Variants in MID1 observed in about 807,000 individuals in gnomAD.
The protein encoded by MID1 is midline 1, also known as E3 ubiquitin-protein ligase Midline-1.
MID1 carries 7 observed loss-of-function variants against 40.4 expected under a neutral mutation model. That is an observed-to-expected ratio of 0.17 (90% CI 0.10 to 0.33). The LOEUF (loss-of-function observed/expected upper bound fraction) is 0.33, where lower values mean the gene tolerates loss of function less well. Among genes scored for constraint, MID1 ranks in the 10% least tolerant of loss-of-function variants. MID1 has a pLI of 1.00. For synonymous variants in MID1, 229 were observed against 221.2 expected (o/e 1.04, Z -0.31); for missense variants, 367 against 558.5 (o/e 0.66, Z 3.46).
At chrX:10,520,059 G>A (rs773205992) in intron 3 of MID1, among the ~76,000 whole-genome samples, 2 of 112,252 alleles carry the variant, frequency 1.8e-5, no homozygotes, top group Non-Finnish European at 3.8e-5. Context: ...ACATCATTGT[G>A]TTGCATAAAT....
chrX:10,455,097 A>C lies in MID1; in HGVS notation c.1448-20T>G, dbSNP rs199668207. On this transcript the variant is annotated intron_variant, in intron 8 of 9. Transcript: ENST00000317552. Reference sequence around the variant, plus strand: ...GTTGGCCTGAAAACAAATTCACAAAACAGAAAAAGGAAGAGGAAGAGGATT... The same window carrying C: ...GTTGGCCTGAAAACAAATTCACAAACCAGAAAAAGGAAGAGGAAGAGGATT... The C allele has an allele frequency of 2.6e-5, 30 of 1,147,425 alleles. No homozygotes were observed. The highest frequency in any genetic ancestry group is 3.5e-5 in the Non-Finnish European group (29 of 838,182). The allele number at this position is 1,147,425 out of a possible 1,213,427, so 94.6% of individuals were successfully genotyped here.
chrX:10,538,424 A>T (rs755248900), intron 2 of MID1, among the ~76,000 whole-genome samples: 17 of 111,193 alleles, frequency 1.5e-4, no homozygotes, highest in African/African-American at 5.2e-4. Flanking sequence ...TCCATGAATC[A>T]CTGGTTTTCA....
intron 1 of MID1, among the ~76,000 whole-genome samples, chrX:10,663,851 G>A (rs977411384): frequency 8.9e-6 from 1 of 112,181 alleles, no homozygotes; most frequent in African/African-American, 3.2e-5. Context: ...TCAAACCTAT[G>A]TATATTGAAT....
chrX:10,734,807 C>T (rs927004661), intron 1 of MID1, among the ~76,000 whole-genome samples: 1 of 111,700 alleles, frequency 9.0e-6, no homozygotes, highest in Admixed American at 9.5e-5. Flanking sequence ...TTGGGGCTGT[C>T]GGTACATGGG....
chrX:10,495,554 A>G (rs1602303871), intron 4 of MID1, 30 bp downstream of exon 4: 5 of 1,050,857 alleles, frequency 4.8e-6, no homozygotes, highest in Non-Finnish European at 6.7e-6. Context: ...CAGGTAGAGA[A>G]TATGAAATCT....
upstream of MID1, among the ~76,000 whole-genome samples, chrX:10,623,338 G>GAAGGAAGA (rs1569131235): frequency 2.8e-5 from 3 of 106,738 alleles, no homozygotes; most frequent in African/African-American, 1.0e-4. Flanking sequence ...AGGAAGGAAG[G>GAAGGAAGA]GAAAAAGAAA....
intron 1 of MID1, among the ~76,000 whole-genome samples, chrX:10,655,692 G>A (rs189523936): frequency 3.2e-4 from 36 of 110,905 alleles, no homozygotes; most frequent in Non-Finnish European, 3.0e-4. Flanking sequence ...CAAACACGAA[G>A]CAAGCAGAGG....
chrX:10,632,579 C>T (rs1936064088), intron 1 of MID1, among the ~76,000 whole-genome samples: 1 of 110,652 alleles, frequency 9.0e-6, no homozygotes, highest in African/African-American at 3.3e-5. Context: ...CCCTAGAGGG[C>T]TTGTTAAAAC....
intron 3 of MID1, among the ~76,000 whole-genome samples, chrX:10,507,851 C>T (rs1227036278): frequency 8.9e-6 from 1 of 112,579 alleles, no homozygotes; most frequent in East Asian, 2.8e-4. Context: ...TATTTTGATT[C>T]TACCAGCAAA....
At chrX:10,646,693 AG>A (rs1936265525) in intron 1 of MID1, among the ~76,000 whole-genome samples, 1 of 111,759 alleles carries the variant, frequency 8.9e-6, no homozygotes, top group Non-Finnish European at 1.9e-5. Context: ...AATAATGGTT[AG>A]GGGGAAAAAG....
chrX:10,501,375 T>G (rs1931533454), intron 3 of MID1: 1 of 1,139,897 alleles, frequency 8.8e-7, no homozygotes, highest in Non-Finnish European at 1.2e-6. Flanking sequence ...CCTCATCTCA[T>G]TTTTGACCTC....
intron 1 of MID1, among the ~76,000 whole-genome samples, chrX:10,750,587 C>T (rs371522631): frequency 1.8e-5 from 2 of 110,070 alleles, no homozygotes; most frequent in Admixed American, 9.7e-5. Context: ...GCTGAGATCA[C>T]GCCACTGCAC....
chrX:10,738,326 G>C (rs2043500451), intron 1 of MID1, among the ~76,000 whole-genome samples: 2 of 112,000 alleles, frequency 1.8e-5, no homozygotes, highest in Admixed American at 1.9e-4. Flanking sequence ...TCCTAAAGCA[G>C]AGCCACCCAC....
At position 10,449,939 on chromosome X, in the gene MID1, G is replaced by A. The variant is rs113219446; in HGVS notation, c.1656-223C>T. Among the ~76,000 whole-genome samples, 765 of 111,930 alleles carry A rather than the reference G, an allele frequency of 6.8e-3. 8 individuals carry two copies. The highest frequency in any genetic ancestry group is 0.024 in the African/African-American group (733 of 30,759). The stretch of plus-strand genomic sequence containing the variant: ...AAAGTAGTGGGTGGAAAGAAGCGTC[G>A]TATTTACCCACATTTCTGTTTTCAG... On this transcript the variant is annotated intron_variant, in intron 9 of 9. Transcript: ENST00000317552.
At chrX:10,797,491 G>A (rs73491048) in intron 1 of MID1, among the ~76,000 whole-genome samples, 1,986 of 111,745 alleles carry the variant, frequency 0.018, 47 homozygotes, top group African/African-American at 0.062. Context: ...GTGATTTGCC[G>A]GAGTCATGCA....
At chrX:10,547,613 GTA>G (rs1933743121) in intron 2 of MID1, among the ~76,000 whole-genome samples, 1 of 85,611 alleles carries the variant, frequency 1.2e-5, no homozygotes, top group African/African-American at 4.4e-5. Flanking sequence ...AGAAGGGAGG[GTA>G]AAGAAAGGAA....
At chrX:10,716,826 T>G (rs1018470547) in intron 1 of MID1, among the ~76,000 whole-genome samples, 1 of 111,886 alleles carries the variant, frequency 8.9e-6, no homozygotes, top group Non-Finnish European at 1.9e-5. Context: ...GGGAAGCCCA[T>G]CAAACTAACA....
At chrX:10,573,949 C>T (rs1161333871) in intron 1 of MID1, among the ~76,000 whole-genome samples, 1 of 111,629 alleles carries the variant, frequency 9.0e-6, no homozygotes, top group African/African-American at 3.3e-5. Context: ...CTCCTGGTGT[C>T]TCCTCACAGG....
Position 10,613,722 on chromosome X carries a change from TATATATATATAGAGAG to T in MID1, c.-57+6552_-57+6567del, listed in dbSNP as rs1414391981. Among the ~76,000 whole-genome samples, 100 of 55,897 alleles carry T rather than the reference TATATATATATAGAGAG, an allele frequency of 1.8e-3. No individual in the cohort carries two copies. The Middle Eastern group carries it at 0.025, about 14-fold the overall frequency. The allele number at this position is 55,897 out of a possible 115,157, so 48.5% of individuals were successfully genotyped here. Reference sequence around the variant, plus strand: ...ATATATATATATATATATATATATATATATATATATAGAGAGAGAGAGAGAGAGAGAGAGAGAGAGA... The same window carrying T: ...ATATATATATATATATATATATATATAGAGAGAGAGAGAGAGAGAGAGAGA... On this transcript the variant is annotated intron_variant, in intron 1 of 9. Transcript: ENST00000317552.
Sources: gnomAD v4.1 joint callset for allele counts (sites outside exome capture counted in the v4.1 genomes callset) on GRCh38, gnomAD v4.1.1 for gene constraint, MANE v1.5 for transcripts, NCBI Gene and HGNC (gene_info 2026-07-23, HGNC 2026-07-21) for gene names.